Variants in VPS13B observed in about 807,000 individuals in gnomAD.
The protein encoded by VPS13B is intermembrane lipid transfer protein VPS13B.
A neutral mutation model predicts 426.4 loss-of-function variants in VPS13B; 285 were observed. The observed-to-expected ratio is 0.67, with a 90% confidence interval of 0.61 to 0.74. VPS13B has a LOEUF of 0.74. Ranked by LOEUF, VPS13B falls within the 30% of genes least tolerant of loss-of-function variation. The probability of loss-of-function intolerance (pLI) is 0.00; values close to 1 mark genes in which losing one functional copy is unlikely to be tolerated. For synonymous variants in VPS13B, 1,676 were observed against 1,676.4 expected (o/e 1.00, Z 0.01); for missense variants, 4,537 against 4,782.6 (o/e 0.95, Z 1.51).
At chr8:99,298,437 C>T (rs781606138) in intron 19 of VPS13B, among the ~76,000 whole-genome samples, 1 of 151,778 alleles carries the variant, frequency 6.6e-6, no homozygotes. Flanking sequence ...TCCGGTGAGC[C>T]GAGATGGTGT....
chr8:99,361,099 C>T (rs1812532750), intron 19 of VPS13B, among the ~76,000 whole-genome samples: 1 of 152,100 alleles, frequency 6.6e-6, no homozygotes, highest in Non-Finnish European at 1.5e-5. Context: ...CCTCAGTTTC[C>T]TAATCTGTAA....
rs540048441 is a variant in VPS13B at position 99,559,961 on chromosome 8, G to C, written c.4949+3308G>C. Reference sequence around the variant, plus strand: ...CTGTGAAGAAAGTCATTGGTAGCTTGATGGGGATGGCATTGAATCTATAAA... The same window carrying C: ...CTGTGAAGAAAGTCATTGGTAGCTTCATGGGGATGGCATTGAATCTATAAA... On this transcript the variant is annotated intron_variant, in intron 31 of 61. Transcript: ENST00000357162. Among the ~76,000 whole-genome samples, 11 of 152,252 alleles carry C rather than the reference G, an allele frequency of 7.2e-5. No individual in the cohort carries two copies. In the South Asian group the frequency reaches 1.9e-3, roughly 26 times the overall value.
At chr8:99,586,645 C>T (rs1826313048) in intron 33 of VPS13B, among the ~76,000 whole-genome samples, 1 of 151,956 alleles carries the variant, frequency 6.6e-6, no homozygotes, top group African/African-American at 2.4e-5. Context: ...CCAGTAAACC[C>T]TAAAACACAG....
intron 19 of VPS13B, among the ~76,000 whole-genome samples, chr8:99,360,743 A>G (rs1171925732): frequency 6.6e-6 from 1 of 152,160 alleles, no homozygotes; most frequent in Non-Finnish European, 1.5e-5. Flanking sequence ...TCTGTTACCT[A>G]AGAATTGTAG....
At chr8:99,023,622 A>C (rs1842006257) in intron 2 of VPS13B, among the ~76,000 whole-genome samples, 1 of 152,036 alleles carries the variant, frequency 6.6e-6, no homozygotes, top group Non-Finnish European at 1.5e-5. Context: ...CTGGGACTAC[A>C]GGTGCACGCC....
chr8:99,332,969 A>C (rs1810625390), intron 19 of VPS13B, among the ~76,000 whole-genome samples: 1 of 151,678 alleles, frequency 6.6e-6, no homozygotes, highest in Non-Finnish European at 1.5e-5. Flanking sequence ...TACTTAGAGA[A>C]GAGCTTAGAC....
chr8:99,580,992 C>CAA (rs1256853905), intron 33 of VPS13B, among the ~76,000 whole-genome samples: 2 of 132,000 alleles, frequency 1.5e-5, no homozygotes, highest in African/African-American at 5.6e-5. Flanking sequence ...AAAACACACA[C>CAA]ACACACACAC....
chr8:99,039,556 T>G (rs1012753553), intron 3 of VPS13B, among the ~76,000 whole-genome samples: 1 of 151,800 alleles, frequency 6.6e-6, no homozygotes, highest in Non-Finnish European at 1.5e-5. Flanking sequence ...TTTTTTTTTT[T>G]TTTTAGCACC....
At chr8:99,684,228 T>C (rs1831277319) in intron 35 of VPS13B, among the ~76,000 whole-genome samples, 1 of 152,244 alleles carries the variant, frequency 6.6e-6, no homozygotes, top group Admixed American at 6.5e-5. Flanking sequence ...TGAGGATTTT[T>C]ATGTCTCTTC....
intron 23 of VPS13B, among the ~76,000 whole-genome samples, chr8:99,454,562 G>A (rs1818352721): frequency 6.6e-6 from 1 of 152,168 alleles, no homozygotes; most frequent in African/African-American, 2.4e-5. Context: ...TTGCTTCCAA[G>A]TGTTGGCAAT....
At chr8:99,586,935 G>A (rs573954706) in intron 33 of VPS13B, among the ~76,000 whole-genome samples, 6 of 152,046 alleles carry the variant, frequency 3.9e-5, no homozygotes, top group South Asian at 2.1e-4. Context: ...GCATTAACTC[G>A]TCATTTACGT....
At chr8:99,134,539 A>G in intron 8 of VPS13B, 93 bp from the exon 9 acceptor site, 1 of 1,001,990 alleles carries the variant, frequency 1.0e-6, no homozygotes. Context: ...GAATCTTAAA[A>G]TTGGCCTTGT....
chr8:99,348,955 A>C (rs1371733645), intron 19 of VPS13B, among the ~76,000 whole-genome samples: 1 of 152,172 alleles, frequency 6.6e-6, no homozygotes, highest in African/African-American at 2.4e-5. Context: ...CAAGTATGTC[A>C]GTTTTTCATA....
chr8:99,718,219 A>G (rs965198126), intron 37 of VPS13B, among the ~76,000 whole-genome samples: 1 of 151,956 alleles, frequency 6.6e-6, no homozygotes, highest in African/African-American at 2.4e-5. Context: ...GGGTAGAACT[A>G]TGTGCCACCA....
At chr8:99,296,117 G>C (rs1481003697) in intron 19 of VPS13B, among the ~76,000 whole-genome samples, 2 of 152,112 alleles carry the variant, frequency 1.3e-5, no homozygotes, top group African/African-American at 4.8e-5. Flanking sequence ...AAAATTTTAT[G>C]CTGAACCATT....
intron 33 of VPS13B, among the ~76,000 whole-genome samples, chr8:99,633,973 C>T (rs1421046324): frequency 6.6e-6 from 1 of 151,922 alleles, no homozygotes; most frequent in East Asian, 1.9e-4. Context: ...ATGTGAGCAA[C>T]ATAGAGAAAG....
At chr8:99,171,686 T>C (rs1812343193) in intron 16 of VPS13B, among the ~76,000 whole-genome samples, 8 of 152,102 alleles carry the variant, frequency 5.3e-5, no homozygotes, top group Admixed American at 5.2e-4. Context: ...TGTTTTGCTT[T>C]TTTGTAGTTA....
chr8:99,696,452 GCAGTTTCTCCGGAT>G, intron 35 of VPS13B: 1 of 370,412 alleles, frequency 2.7e-6, no homozygotes, highest in South Asian at 2.3e-5. Context: ...CAAAGCGCAG[GCAGTTTCTCCGGAT>G]CCGCGCCGAC....
In VPS13B at chr8:99,467,506, G is replaced by A. The variant is rs995313030; in HGVS notation, c.3538G>A (p.Gly1180Ser). 4 of 1,613,732 alleles carry A rather than the reference G, an allele frequency of 2.5e-6. No individual in the cohort carries two copies. The highest frequency in any genetic ancestry group is 3.4e-6 in the Non-Finnish European group (4 of 1,179,808). The change falls in exon 24 of 62, where the codon GGT (glycine) becomes AGT (serine). Residue 1180 changes from glycine (G) to serine (S), a missense_variant. Gly to Ser is a moderately conservative substitution (Grantham distance 56, BLOSUM62 0). Coordinates refer to ENST00000357162, the MANE Select transcript of VPS13B (RefSeq NM_152564.5). ...GACACTTTGCCTAGTGGAACCTATG[G>A]GTTGCACCTCCACTCTAGCTGTCAC... ...QVTLCLVEPM[G>S]CTSTLAVTSQ...
Sources: gnomAD v4.1 joint callset for allele counts (sites outside exome capture counted in the v4.1 genomes callset) on GRCh38, gnomAD v4.1.1 for gene constraint, MANE v1.5 for transcripts, NCBI Gene and HGNC (gene_info 2026-07-23, HGNC 2026-07-21) for gene names.